Variants in STAP2 observed in about 807,000 individuals in gnomAD.
STAP2 encodes the protein signal-transducing adaptor protein 2.
STAP2 carries 58 observed loss-of-function variants against 52.7 expected under a neutral mutation model. That is an observed-to-expected ratio of 1.10 (90% CI 0.89 to 1.37). The LOEUF is 1.37. Among genes scored for constraint, STAP2 ranks in the 40% most tolerant of loss-of-function variants. The pLI is 0.00. For missense variants in STAP2, 522 were observed against 519.4 expected (o/e 1.00, Z -0.05); for synonymous variants, 231 against 210.5 (o/e 1.10, Z -0.84).
At chr19:4,338,564 CTTGGCG>C in intron 1 of STAP2, 82 bp downstream of exon 1, 3 of 857,364 alleles carry the variant, frequency 3.5e-6, no homozygotes, top group Non-Finnish European at 5.1e-6. Context: ...CCCGCCCCCC[CTTGGCG>C]AGTGGGGAGA....
At chr19:4,337,674 C>T (rs1972001711) in intron 1 of STAP2, among the ~76,000 whole-genome samples, 1 of 151,774 alleles carries the variant, frequency 6.6e-6, no homozygotes, top group Non-Finnish European at 1.5e-5. Flanking sequence ...AAATGAAACA[C>T]TGTCTTTACT....
intron 1 of STAP2, among the ~76,000 whole-genome samples, chr19:4,335,316 T>C (rs985006259): frequency 4.6e-5 from 7 of 151,242 alleles, no homozygotes; most frequent in African/African-American, 1.7e-4. Context: ...CATCCATCCA[T>C]ACATCCCTCC....
chr19:4,327,646 C>T (rs945581857), intron 6 of STAP2, among the ~76,000 whole-genome samples: 1 of 152,132 alleles, frequency 6.6e-6, no homozygotes, highest in Non-Finnish European at 1.5e-5. Context: ...ACAGAAGACC[C>T]CACCTCTAGT....
intron 1 of STAP2, among the ~76,000 whole-genome samples, chr19:4,335,322 C>A (rs1971964748): frequency 6.6e-6 from 1 of 151,966 alleles, no homozygotes; most frequent in African/African-American, 2.4e-5. Flanking sequence ...TCCATACATC[C>A]CTCCATCGTG....
intron 7 of STAP2, 32 bp from the exon 8 acceptor site, chr19:4,327,258 T>G: frequency 7.4e-6 from 12 of 1,613,824 alleles, no homozygotes; most frequent in Non-Finnish European, 1.0e-5. Context: ...GTCAGGCTGC[T>G]GGAGAAGGGA....
intron 1 of STAP2, among the ~76,000 whole-genome samples, chr19:4,336,967 C>T (rs547695259): frequency 1.1e-4 from 16 of 152,176 alleles, no homozygotes; most frequent in African/African-American, 3.9e-4. Context: ...CAGTGATCTA[C>T]TGGCTCTAAA....
chr19:4,325,870 G>A (rs1020990416), intron 9 of STAP2, among the ~76,000 whole-genome samples: 4 of 152,088 alleles, frequency 2.6e-5, no homozygotes, highest in Admixed American at 6.6e-5. Flanking sequence ...ACTCGGGGCT[G>A]AGGCAGGAGA....
Position 4,327,397 on chromosome 19 carries a change from G to A in STAP2, c.591-12C>T. 1 of 1,613,990 alleles carries A rather than the reference G, an allele frequency of 6.2e-7. No homozygotes were observed. The highest frequency in any genetic ancestry group is 8.5e-7 in the Non-Finnish European group (1 of 1,179,910). On this transcript the variant is annotated splice_polypyrimidine_tract_variant and intron_variant, in intron 6 of 12. Transcript: ENST00000594605. Reference sequence around the variant, plus strand: ...GGACCACGTGCGTCCTGCACCAGGAGAAAGCGAGTGAGTGGCTCAGCCCAG... The same window carrying A: ...GGACCACGTGCGTCCTGCACCAGGAAAAAGCGAGTGAGTGGCTCAGCCCAG...
intron 6 of STAP2, 148 bp downstream of exon 6, chr19:4,328,527 C>A (rs539363517): frequency 4.4e-6 from 5 of 1,127,084 alleles, no homozygotes; most frequent in Admixed American, 2.4e-5. Context: ...GCTCTGACTC[C>A]GTCCCCAGAC....
rs773157043 is a variant in STAP2, at chr19:4,328,776, T to C, written c.489A>G (p.Gln163=). The change falls in exon 6 of 13, where the codon CAA becomes CAG. Residue 163 remains glutamine (Q), a synonymous_variant. Transcript: ENST00000594605. ...ACTCGGGGTAGCGCTCCAGGAGCAG[T>C]TGTGCCTCCAGCCGGCTCACCTTCA... ...CFLKVSRLEA[Q]LLLERYPECG... The C allele has an allele frequency of 1.2e-5, 20 of 1,611,144 alleles. No homozygotes were observed. Among genetic ancestry groups the C allele is most frequent in the African/African-American group, 2.7e-5 (2 of 74,884 alleles).
intron 4 of STAP2, among the ~76,000 whole-genome samples, chr19:4,330,364 T>C (rs1971869886): frequency 6.6e-6 from 1 of 151,032 alleles, no homozygotes; most frequent in South Asian, 2.1e-4. Flanking sequence ...GTACTAAAAA[T>C]ACAAAAAATT....
At position 4,327,343 on chromosome 19, in the gene STAP2, G is replaced by A. The variant is rs781039850; in HGVS notation, c.633C>T (p.Pro211=). 31 of 1,613,952 alleles carry A rather than the reference G, an allele frequency of 1.9e-5. 1 individual carries two copies. Among genetic ancestry groups the A allele is most frequent in the Middle Eastern group, 1.6e-4 (1 of 6,084 alleles). ...GCTGTTCCACATCGATCACGTACTT[G>A]GGGCCCTCCCGCTTCACCTTGTAAT... The part of the protein sequence containing the change: ...VRHYKVKREG[P]KYVIDVEQPF... The change falls in exon 7 of 13, where the codon CCC becomes CCT. Residue 211 remains proline (P), a synonymous_variant. Coordinates refer to ENST00000594605, the MANE Select transcript of STAP2 (RefSeq NM_001013841.2).
In STAP2 at chr19:4,329,814, T is replaced by TTCC; in HGVS notation, c.455+146_455+147insGGA. On this transcript the variant is annotated intron_variant, in intron 5 of 12. Transcript: ENST00000594605. ...CCCCAGCATGGGCCATAACTCCCCC[T>TTCC]CCCCCTCCCCCACCCCCAGCCCCAA... 1.3e-4 allele frequency: 6 copies of TTCC among 47,766 alleles called. 1 individual carries two copies. The South Asian group carries it at 2.0e-3, about 16-fold the overall frequency. 3.0% of individuals were successfully genotyped at this position (47,766 alleles called of 1,614,324 possible). A position where few individuals can be genotyped will look rare whatever the true frequency, so the allele number is the denominator to read the frequency against.
At chr19:4,325,115 G>C (rs1324467245) in intron 11 of STAP2, 101 bp downstream of exon 11, 4 of 1,078,160 alleles carry the variant, frequency 3.7e-6, no homozygotes, top group African/African-American at 1.6e-5. Flanking sequence ...CTCCAGCCTG[G>C]GCGACAGAGT....
At chr19:4,335,796 A>G (rs1296216509) in intron 1 of STAP2, among the ~76,000 whole-genome samples, 1 of 152,114 alleles carries the variant, frequency 6.6e-6, no homozygotes, top group Non-Finnish European at 1.5e-5. Flanking sequence ...ATCTCATGAG[A>G]ATTAGGTGAC....
rs747156287 is a variant in STAP2, at chr19:4,327,057, C to G, written c.764-50G>C. The G allele has an allele frequency of 6.9e-6, 11 of 1,602,918 alleles. 1 individual carries two copies. The Admixed American group carries it at 1.5e-4, about 22-fold the overall frequency. On this transcript the variant is annotated intron_variant, in intron 8 of 12. Coordinates refer to ENST00000594605, the MANE Select transcript of STAP2 (RefSeq NM_001013841.2). ...GGAAGCGCGGCGGCCAGGGGCGGCC[C>G]GGTCCGTCCGAGCGGGGGCGGGAGA...
intron 1 of STAP2, among the ~76,000 whole-genome samples, chr19:4,334,953 A>ACCCAC (rs1971957106): frequency 2.9e-5 from 1 of 34,400 alleles, no homozygotes; most frequent in African/African-American, 1.3e-4. Flanking sequence ...CTCACCGTCC[A>ACCCAC]TCATCCATCC....
In STAP2 at chr19:4,324,128, C is replaced by A. The variant is rs1490276563; in HGVS notation, c.*5G>T. ...ACTAGCCCGCTGGTCCCTGGTGTGT[C>A]CGAATCAGTGCTCCAGTGCCCGCCT... On this transcript the variant is annotated 3_prime_UTR_variant, in exon 13 of 13. Transcript: ENST00000594605. 1 of 1,551,426 alleles carries A rather than the reference C, an allele frequency of 6.4e-7. No individual in the cohort carries two copies. The highest frequency in any genetic ancestry group is 2.4e-5 in the East Asian group (1 of 40,918).
chr19:4,330,520 TC>T (rs1971871900), intron 4 of STAP2, among the ~76,000 whole-genome samples: 1 of 142,498 alleles, frequency 7.0e-6, no homozygotes, highest in South Asian at 2.3e-4. Context: ...GAGACTCCGT[TC>T]CCCGCTCCCC....
Sources: allele counts gnomAD v4.1 joint callset (sites outside exome capture counted in the v4.1 genomes callset), GRCh38; gene constraint gnomAD v4.1.1; transcripts MANE v1.5; gene names NCBI Gene and HGNC (gene_info 2026-07-23, HGNC 2026-07-21).